Variants in FOXP4 observed in about 807,000 individuals in gnomAD.
FOXP4 encodes the protein forkhead box P4, also known as forkhead box protein P4.
A neutral mutation model predicts 82.6 loss-of-function variants in FOXP4; 25 were observed. That is an observed-to-expected ratio of 0.30 (90% confidence interval 0.22 to 0.42). The LOEUF is 0.42. FOXP4 is among the 10% of genes least tolerant of loss of function. The probability of loss-of-function intolerance (pLI) is 1.00; values close to 1 mark genes in which losing one functional copy is unlikely to be tolerated. For synonymous variants in FOXP4, 415 were observed against 388.2 expected (o/e 1.07, Z -0.81); for missense variants, 785 against 900.9 (o/e 0.87, Z 1.65).
chr6:41,598,914 T>C lies in FOXP4; in HGVS notation c.2021T>C (p.Leu674Pro), dbSNP rs367837669. The C allele has an allele frequency of 1.2e-5, 20 of 1,608,120 alleles. No homozygotes were observed. The highest frequency in any genetic ancestry group is 1.7e-5 in the Non-Finnish European group (20 of 1,178,346). ...PPEDRDLEEE[L>P]PGEELS Reference sequence around the variant, plus strand: ...GAAGACAGGGACCTGGAGGAGGAGCTGCCGGGAGAAGAACTGTCCTAAGGG... The same window carrying C: ...GAAGACAGGGACCTGGAGGAGGAGCCGCCGGGAGAAGAACTGTCCTAAGGG... The change falls in exon 17 of 17, where the codon CTG becomes CCG. Residue 674 changes from leucine to proline, a missense_variant. Leu to Pro is a moderately conservative substitution (Grantham distance 98). This residue lies in a region of FOXP4 where 184 missense variants were observed against 187.3 expected (regional missense o/e 0.98). Transcript: ENST00000307972.
rs747866864 is a variant in FOXP4 at position 41,589,772 on chromosome 6, T to A, written c.1067T>A (p.Leu356His). ...MQVVQQLEIQ[L>H]AKESERLQAM... ...CTCCTGCTTTGCCACCCTCCACAGCTCGCCAAGGAGAGCGAGCGGCTGCAG... is the reference window on the plus strand; with the variant it reads ...CTCCTGCTTTGCCACCCTCCACAGCACGCCAAGGAGAGCGAGCGGCTGCAG... Residue 356 changes from leucine to histidine, a missense_variant and splice_region_variant, in exon 10 of 17, where the codon CTC becomes CAC. Leu to His is a moderately conservative substitution (Grantham distance 99, BLOSUM62 -3). Transcript: ENST00000307972. 1.9e-6 allele frequency: 3 copies of A among 1,610,932 alleles called. No individual in the cohort carries two copies. Among genetic ancestry groups the A allele is most frequent in the Admixed American group, 3.3e-5 (2 of 59,980 alleles).
rs1423404855 is a variant in FOXP4 at position 41,594,982 on chromosome 6, A to G, written c.1649A>G (p.Lys550Arg). ...GAGTATCAGAAGCGGAGACCGCCAA[A>G]GATGACAGGGTATGTGGGTCCAGAG... ...EREYQKRRPP[K>R]MTGSPTLVKN... Residue 550 changes from lysine (K) to arginine (R), a missense_variant, in exon 14 of 17, where the codon AAG (lysine) becomes AGG (arginine). Lys to Arg is a conservative substitution (Grantham distance 26, BLOSUM62 2). Coordinates refer to ENST00000307972, the MANE Select transcript of FOXP4 (RefSeq NM_001012426.2). 8.1e-6 allele frequency: 13 copies of G among 1,614,018 alleles called. No homozygotes were observed. The highest frequency in any genetic ancestry group is 1.3e-5 in the African/African-American group (1 of 74,940).
chr6:41,580,158 C>T (rs1049216251), intron 3 of FOXP4, among the ~76,000 whole-genome samples: 1 of 151,788 alleles, frequency 6.6e-6, no homozygotes, highest in Non-Finnish European at 1.5e-5. Context: ...TTTCCTGCCT[C>T]AGTCTCCCAA....
chr6:41,559,556 C>T (rs1159511510), intron 1 of FOXP4, among the ~76,000 whole-genome samples: 2 of 152,186 alleles, frequency 1.3e-5, no homozygotes, highest in African/African-American at 4.8e-5. Context: ...TATTACCAGT[C>T]GCCCTTGCTG....
At chr6:41,561,069 A>G (rs1764551528) in intron 1 of FOXP4, among the ~76,000 whole-genome samples, 1 of 152,236 alleles carries the variant, frequency 6.6e-6, no homozygotes, top group South Asian at 2.1e-4. Flanking sequence ...TTGAAGAGCC[A>G]GGAGCCTCCG....
chr6:41,590,393 G>A, intron 12 of FOXP4, 46 bp downstream of exon 12: 17 of 1,571,890 alleles, frequency 1.1e-5, no homozygotes, highest in Non-Finnish European at 1.5e-5. Flanking sequence ...CACACAGGCT[G>A]CTCCCCCAGC....
chr6:41,587,767 C>A (rs542869024), intron 7 of FOXP4, 26 bp from the exon 8 acceptor site: 3 of 1,481,238 alleles, frequency 2.0e-6, no homozygotes, highest in African/African-American at 2.8e-5. Flanking sequence ...GGTCCCTGAT[C>A]GGCCACCTCC....
intron 1 of FOXP4, 67 bp from the exon 2 acceptor site, chr6:41,565,678 G>A (rs1039958479): frequency 9.8e-6 from 14 of 1,426,872 alleles, no homozygotes; most frequent in Admixed American, 4.2e-5. Context: ...GTTTTTGGGG[G>A]TCAGCAGTCA....
At chr6:41,595,577 TATTA>T (rs1766783969) in intron 14 of FOXP4, among the ~76,000 whole-genome samples, 1 of 152,068 alleles carries the variant, frequency 6.6e-6, no homozygotes, top group South Asian at 2.1e-4. Flanking sequence ...CTTATTTATT[TATTA>T]TTTTTTTAAT....
At position 41,598,998 on chromosome 6, in the gene FOXP4, C is replaced by G; in HGVS notation, c.*62C>G. ...CTCCCTTCCAGAATCCAGGCCCCAT[C>G]TCCCCCAACTCCACAGCCCCTCCCG... On this transcript the variant is annotated 3_prime_UTR_variant, in exon 17 of 17. Transcript: ENST00000307972. The G allele has an allele frequency of 1.4e-6, 2 of 1,466,704 alleles. No homozygotes were observed. The highest frequency in any genetic ancestry group is 1.8e-6 in the Non-Finnish European group (2 of 1,108,570). The allele number at this position is 1,466,704 out of a possible 1,614,324, so 90.9% of individuals were successfully genotyped here. A position where few individuals can be genotyped will look rare whatever the true frequency, so the allele number is the denominator to read the frequency against.
intron 14 of FOXP4, among the ~76,000 whole-genome samples, chr6:41,596,777 A>C (rs1036750115): frequency 1.3e-5 from 2 of 152,206 alleles, no homozygotes; most frequent in African/African-American, 2.4e-5. Flanking sequence ...CAGTGTGGGC[A>C]GACCAGGTGT....
chr6:41,598,992 C>G lies in FOXP4; in HGVS notation c.*56C>G, dbSNP rs1199286388. On this transcript the variant is annotated 3_prime_UTR_variant, in exon 17 of 17. Transcript: ENST00000307972. ...AGACCCCTCCCTTCCAGAATCCAGG[C>G]CCCATCTCCCCCAACTCCACAGCCC... is the stretch of plus-strand genomic sequence containing the variant. 2.2e-5 allele frequency: 33 copies of G among 1,474,218 alleles called. No individual in the cohort carries two copies. Among genetic ancestry groups the G allele is most frequent in the Non-Finnish European group, 3.0e-5 (33 of 1,112,824 alleles). 91.3% of individuals were successfully genotyped at this position (1,474,218 alleles called of 1,614,324 possible).
At chr6:41,595,571 TTTATTTATTATTTTTTTAATTTTA>T (rs1340094574) in intron 14 of FOXP4, among the ~76,000 whole-genome samples, 9 of 152,104 alleles carry the variant, frequency 5.9e-5, no homozygotes, top group African/African-American at 1.7e-4. Context: ...TATTTACTTA[TTTATTTATTATTTTTTTAATTTTA>T]TTATTTTATT....
At chr6:41,592,045 T>C (rs1166844542) in intron 13 of FOXP4, among the ~76,000 whole-genome samples, 5 of 151,230 alleles carry the variant, frequency 3.3e-5, no homozygotes, top group African/African-American at 1.2e-4. Context: ...GATATCTAAA[T>C]TGGGAGAGTG....
In FOXP4 at chr6:41,599,198, A is replaced by G. The variant is rs1767074274; in HGVS notation, c.*262A>G. ...AGACCCCTCCTCAGACCCTCCCCAC[A>G]TCTGAAACTGCCTCCCCCCAACCAC... On this transcript the variant is annotated 3_prime_UTR_variant, in exon 17 of 17. Coordinates refer to ENST00000307972, the MANE Select transcript of FOXP4 (RefSeq NM_001012426.2). 3.0e-6 allele frequency: 1 copy of G among 329,300 alleles called. No individual in the cohort carries two copies. The highest frequency in any genetic ancestry group is 4.4e-5 in the Admixed American group (1 of 22,654). 20.4% of individuals were successfully genotyped at this position (329,300 alleles called of 1,614,324 possible).
At position 41,576,060 on chromosome 6, in the gene FOXP4, C is replaced by CCG. The variant is rs1491204542; in HGVS notation, c.205-1926_205-1925insCG. On this transcript the variant is annotated intron_variant, in intron 2 of 16. Coordinates refer to ENST00000307972, the MANE Select transcript of FOXP4 (RefSeq NM_001012426.2). Reference sequence around the variant, plus strand: ...CTTCCTCACCCGCAACCCCCCCCCCCACCCTTCCTCCTCTTTCCGCAGAGC... The same window carrying CCG: ...CTTCCTCACCCGCAACCCCCCCCCCCCGACCCTTCCTCCTCTTTCCGCAGAGC... 7.3e-5 allele frequency among the ~76,000 whole-genome samples: 11 copies of CCG among 151,492 alleles called. No individual in the cohort carries two copies. The South Asian group carries it at 2.1e-3, about 29-fold the overall frequency.
chr6:41,569,063 C>T (rs1765038190), intron 2 of FOXP4, among the ~76,000 whole-genome samples: 1 of 152,216 alleles, frequency 6.6e-6, no homozygotes, highest in Non-Finnish European at 1.5e-5. Context: ...CCAGCTTCCA[C>T]CTCCTTCATC....
chr6:41,570,146 G>C (rs1765116925), intron 2 of FOXP4: 1 of 361,870 alleles, frequency 2.8e-6, no homozygotes, highest in Non-Finnish European at 5.6e-6. Context: ...TGGTCTGCAG[G>C]TCCAGGGCCC....
intron 1 of FOXP4, among the ~76,000 whole-genome samples, chr6:41,553,214 C>T (rs1764094706): frequency 6.6e-6 from 1 of 152,196 alleles, no homozygotes; most frequent in African/African-American, 2.4e-5. Flanking sequence ...AGGGGTGCTG[C>T]CTGCCCCCTC....
Sources: gnomAD v4.1 joint callset for allele counts (sites outside exome capture counted in the v4.1 genomes callset) on GRCh38, gnomAD v4.1.1 for gene constraint, gnomAD v4.1.1 regional missense constraint, MANE v1.5 for transcripts, NCBI Gene and HGNC (gene_info 2026-07-23, HGNC 2026-07-21) for gene names.